The following IP6K3 variants were observed in gnomAD, a reference collection of about 807,000 sequenced individuals.
IP6K3 encodes the protein inositol hexakisphosphate kinase 3.
Under a neutral mutation model 28.8 loss-of-function variants are expected in IP6K3, and 20 were observed. That is an observed-to-expected ratio of 0.70 (90% CI 0.49 to 1.01). The LOEUF is 1.01. Ranked by LOEUF, IP6K3 falls within the 50% of genes least tolerant of loss-of-function variation. The pLI, the probability that IP6K3 is intolerant of heterozygous loss-of-function variation, is 0.00. For missense variants in IP6K3, 480 were observed against 537.1 expected, an observed-to-expected ratio of 0.89 and a Z score of 1.05; for synonymous variants, 213 against 221.3, an observed-to-expected ratio of 0.96 and a Z score of 0.33.
chr6:33,732,104 A>G (rs182623703), intron 2 of IP6K3, among the ~76,000 whole-genome samples: 3 of 152,316 alleles, frequency 2.0e-5, no homozygotes, highest in African/African-American at 7.2e-5. Context: ...AATCGGGTCA[A>G]TTGTTAACCA....
intron 5 of IP6K3, 141 bp from the exon 6 acceptor site, chr6:33,723,328 GA>G (rs1405085014): frequency 1.2e-5 from 7 of 607,934 alleles, no homozygotes; most frequent in Non-Finnish European, 2.0e-5. Context: ...GAAATGAGCA[GA>G]AGATGATCTT....
rs138867043 is a variant in IP6K3, at chr6:33,726,853, G to A, written c.467C>T (p.Ser156Leu). 3,968 of 1,613,262 alleles carry A rather than the reference G, an allele frequency of 2.5e-3. 25 individuals are homozygous for A. Among genetic ancestry groups the A allele is most frequent in the South Asian group, 0.015 (1,403 of 91,000 alleles). The change falls in exon 4 of 6, where the codon TCG becomes TTG. Residue 156 changes from serine (S) to leucine (L), a missense_variant. Coordinates refer to ENST00000293756, the MANE Select transcript of IP6K3 (RefSeq NM_054111.5). ...GTTTCCGTTGGTGTCTTCCACCAGC[G>A]AGAAGGCTGGAGTGTTGAGGTGGGG... ...SEPHLNTPAF[S>L]LVEDTNGNQV...
Position 33,722,431 on chromosome 6 carries a change from C to T in IP6K3, c.*289G>A, listed in dbSNP as rs950037092. ...TATTCCAGAATGTCAGCAATGCTGG[C>T]CTCTAACTTGGGCTGCCCCCTCCAG... On this transcript the variant is annotated 3_prime_UTR_variant, in exon 6 of 6. Coordinates refer to ENST00000293756, the MANE Select transcript of IP6K3 (RefSeq NM_054111.5). 5 of 255,566 alleles carry T rather than the reference C, an allele frequency of 2.0e-5. No homozygotes were observed. The highest frequency in any genetic ancestry group is 8.9e-5 in the African/African-American group (4 of 44,960). The allele number at this position is 255,566 out of a possible 1,614,324, so 15.8% of individuals were successfully genotyped here.
chr6:33,743,666 C>T (rs1032889030), intron 1 of IP6K3, among the ~76,000 whole-genome samples: 6 of 152,052 alleles, frequency 3.9e-5, no homozygotes, highest in African/African-American at 1.2e-4. Flanking sequence ...TGTGGCTCTC[C>T]GGCTCGGTGG....
rs1766082676 is a variant in IP6K3 at position 33,725,597 on chromosome 6, A to G, written c.609T>C (p.Asn203=). The G allele has an allele frequency of 3.1e-6, 5 of 1,613,848 alleles. No homozygotes were observed. Among genetic ancestry groups the G allele is most frequent in the Non-Finnish European group, 4.2e-6 (5 of 1,179,834 alleles). ...NKRHRFLLLE[N]VVSQYTHPCV... ...AGGGATGCGTGTACTGTGACACTAC[A>G]TTTTCCAGCAACAAGAACCCTAGTC... The change falls in exon 5 of 6, where the codon AAT becomes AAC. Residue 203 remains asparagine, a synonymous_variant. Transcript: ENST00000293756.
chr6:33,724,484 T>C (rs1222483239), intron 5 of IP6K3, among the ~76,000 whole-genome samples: 1 of 152,186 alleles, frequency 6.6e-6, no homozygotes, highest in African/African-American at 2.4e-5. Context: ...GTTTATTTTA[T>C]CCTGTTCTCC....
chr6:33,722,756 G>T lies in IP6K3; in HGVS notation c.1197C>A (p.Leu399=). Residue 399 remains leucine, a synonymous_variant, in exon 6 of 6, where the codon CTC becomes CTA. Coordinates refer to ENST00000293756, the MANE Select transcript of IP6K3 (RefSeq NM_054111.5). ...CTTGGATATCCTGCAGGATCCTGATGAGGTTTTCCAGGCCAAAAATATAGC... is the reference window on the plus strand; with the variant it reads ...CTTGGATATCCTGCAGGATCCTGATTAGGTTTTCCAGGCCAAAAATATAGC... ...DPGYIFGLEN[L]IRILQDIQEG... is the part of the protein sequence containing the mutation. 6.2e-7 allele frequency: 1 copy of T among 1,613,364 alleles called. No homozygotes were observed. The highest frequency in any genetic ancestry group is 1.1e-5 in the South Asian group (1 of 90,994).
upstream of IP6K3, among the ~76,000 whole-genome samples, chr6:33,748,828 G>A (rs754921163): frequency 2.0e-4 from 31 of 151,220 alleles, no homozygotes; most frequent in African/African-American, 6.1e-4. Context: ...GAATTCCTGG[G>A]GTGCCCTGAA....
chr6:33,732,407 G>T (rs1016515730), intron 2 of IP6K3, among the ~76,000 whole-genome samples: 2 of 152,238 alleles, frequency 1.3e-5, no homozygotes, highest in African/African-American at 4.8e-5. Flanking sequence ...GGAGACCCTT[G>T]TGGCAGCCTT....
At chr6:33,728,589 C>G (rs1766208105) in intron 2 of IP6K3, among the ~76,000 whole-genome samples, 1 of 152,216 alleles carries the variant, frequency 6.6e-6, no homozygotes, top group Admixed American at 6.5e-5. Flanking sequence ...AAAGTCAACT[C>G]CGCACATTTT....
At chr6:33,757,876 C>T in the IP6K3 span, among the ~76,000 whole-genome samples, 757 of 152,312 alleles carry the variant, frequency 5.0e-3, 6 homozygotes, top group African/African-American at 0.016. Flanking sequence ...ATCAAGGGAT[C>T]CAACAAGAAA....
chr6:33,747,155 AG>A (rs1382737240), upstream of IP6K3, among the ~76,000 whole-genome samples: 1 of 152,180 alleles, frequency 6.6e-6, no homozygotes, highest in Non-Finnish European at 1.5e-5. This position sits in a 1 kb window ranked among gnomAD's most constrained non-coding sequence, Gnocchi z 5.2. Flanking sequence ...CTGGGCACCA[AG>A]GGCCCATCAC....
chr6:33,754,690 A>T, the IP6K3 span, among the ~76,000 whole-genome samples: 1 of 152,128 alleles, frequency 6.6e-6, no homozygotes, highest in Non-Finnish European at 1.5e-5. Context: ...CCATGGCCCC[A>T]TCTCTGCCCC....
intron 4 of IP6K3, among the ~76,000 whole-genome samples, chr6:33,725,931 A>C (rs1434829199): frequency 1.3e-5 from 2 of 152,188 alleles, no homozygotes; most frequent in Admixed American, 6.5e-5. Flanking sequence ...CCCAATTTAC[A>C]TTTTACGGCA....
intron 1 of IP6K3, among the ~76,000 whole-genome samples, chr6:33,745,503 C>T (rs1380950666): frequency 6.6e-6 from 1 of 152,136 alleles, no homozygotes; most frequent in Non-Finnish European, 1.5e-5. Context: ...ATGTTCTTAC[C>T]CTCCTATGGG....
chr6:33,726,267 C>A (rs369937903), intron 4 of IP6K3, among the ~76,000 whole-genome samples: 1 of 152,206 alleles, frequency 6.6e-6, no homozygotes. Flanking sequence ...GGAGGAGCCA[C>A]ACTTCCCTCT....
chr6:33,749,705 A>G (rs1028332147), upstream of IP6K3, among the ~76,000 whole-genome samples: 51 of 151,652 alleles, frequency 3.4e-4, no homozygotes, highest in Non-Finnish European at 5.6e-4. Flanking sequence ...CCCTATGACC[A>G]TGATCAGTAG....
the IP6K3 span, among the ~76,000 whole-genome samples, chr6:33,757,098 C>G: frequency 6.6e-6 from 1 of 152,250 alleles, no homozygotes; most frequent in Non-Finnish European, 1.5e-5. Context: ...GCACACCTGG[C>G]CTCTCTGAGG....
the IP6K3 span, among the ~76,000 whole-genome samples, chr6:33,757,407 T>G: frequency 8.5e-4 from 130 of 152,300 alleles, no homozygotes; most frequent in African/African-American, 3.1e-3. Flanking sequence ...AGAATAATAT[T>G]TATGTGTCGT....
Sources: gnomAD v4.1 joint callset for allele counts (sites outside exome capture counted in the v4.1 genomes callset) on GRCh38, gnomAD v4.1.1 for gene constraint, Gnocchi (gnomAD v3.1) non-coding constraint, MANE v1.5 for transcripts, NCBI Gene and HGNC (gene_info 2026-07-23, HGNC 2026-07-21) for gene names.